Variants in CEACAM20 observed in about 807,000 individuals in gnomAD.
The protein encoded by CEACAM20 is cell adhesion molecule CEACAM20.
CEACAM20 carries 50 observed loss-of-function variants against 61.2 expected under a neutral mutation model. The observed-to-expected ratio is 0.82, with a 90% CI of 0.65 to 1.03. The LOEUF (loss-of-function observed/expected upper bound fraction) is 1.03, where lower values mean the gene tolerates loss of function less well. Ranked by LOEUF, CEACAM20 falls within the 50% of genes least tolerant of loss-of-function variation. The probability of loss-of-function intolerance (pLI) is 0.00; values close to 1 mark genes in which losing one functional copy is unlikely to be tolerated. For missense variants in CEACAM20, 683 were observed against 736.4 expected (o/e 0.93, Z 0.84); for synonymous variants, 282 against 287.7 (o/e 0.98, Z 0.20).
chr19:44,525,913 C>T (rs746893619), intron 1 of CEACAM20, among the ~76,000 whole-genome samples: 1 of 152,184 alleles, frequency 6.6e-6, no homozygotes, highest in Admixed American at 6.5e-5. Flanking sequence ...ACTGGAGACA[C>T]GTGATGGTCC....
chr19:44,514,130 T>C (rs962514560), intron 6 of CEACAM20, among the ~76,000 whole-genome samples: 1 of 152,218 alleles, frequency 6.6e-6, no homozygotes, highest in South Asian at 2.1e-4. Flanking sequence ...CATGTGACCC[T>C]GGACAAGTGA....
intron 5 of CEACAM20, among the ~76,000 whole-genome samples, chr19:44,520,120 C>G (rs1217428265): frequency 7.2e-5 from 11 of 152,162 alleles, no homozygotes; most frequent in African/African-American, 4.8e-5. Flanking sequence ...CCCGTTAATC[C>G]CACCTTGGGG....
At chr19:44,516,523 C>T (rs568180181) in intron 6 of CEACAM20, among the ~76,000 whole-genome samples, 8 of 152,314 alleles carry the variant, frequency 5.3e-5, no homozygotes, top group Non-Finnish European at 1.0e-4. Context: ...GGTTCTCATT[C>T]TCTCTTGTCT....
At chr19:44,513,958 A>G (rs1971084159) in intron 6 of CEACAM20, among the ~76,000 whole-genome samples, 1 of 152,218 alleles carries the variant, frequency 6.6e-6, no homozygotes, top group Non-Finnish European at 1.5e-5. Flanking sequence ...AACCATGGAA[A>G]GTGATCAGTA....
Position 44,511,683 on chromosome 19 carries a change from A to AC in CEACAM20, c.1576-12dup. Reference sequence around the variant, plus strand: ...GTCTGGTGGTTGCATCTGGGGAAAAACAAAGTTGCAGAGAGGTCATAGGGC... The same window carrying AC: ...GTCTGGTGGTTGCATCTGGGGAAAAACCAAAGTTGCAGAGAGGTCATAGGGC... On this transcript the variant is annotated splice_polypyrimidine_tract_variant and intron_variant, in intron 9 of 11. Coordinates refer to ENST00000614924, the MANE Select transcript of CEACAM20 (RefSeq NM_001102597.3). 1 of 1,612,156 alleles carries AC rather than the reference A, an allele frequency of 6.2e-7. No individual in the cohort carries two copies. Among genetic ancestry groups the AC allele is most frequent in the Non-Finnish European group, 8.5e-7 (1 of 1,179,278 alleles).
At chr19:44,516,906 C>G (rs750936746) in intron 6 of CEACAM20, 40 bp downstream of exon 6, 1 of 1,562,698 alleles carries the variant, frequency 6.4e-7, no homozygotes, top group East Asian at 2.4e-5. Flanking sequence ...TCAGGAAAGG[C>G]CCCTCGGGTC....
At chr19:44,526,708 A>G (rs1424604773) in intron 1 of CEACAM20, among the ~76,000 whole-genome samples, 1 of 151,856 alleles carries the variant, frequency 6.6e-6, no homozygotes, top group Non-Finnish European at 1.5e-5. Context: ...CCCCGTCTCT[A>G]CAAAAAAATA....
At position 44,518,135 on chromosome 19, in the gene CEACAM20, G is replaced by C. The variant is rs917719779; in HGVS notation, c.1031-911C>G. On this transcript the variant is annotated intron_variant, in intron 5 of 11. Coordinates refer to ENST00000614924, the MANE Select transcript of CEACAM20 (RefSeq NM_001102597.3). ...GGAAGGAAGGAAGGAAGGAAGGAAG[G>C]AAGGAAGGAAGGAAGGAAGGAAGGA... 8.6e-5 allele frequency among the ~76,000 whole-genome samples: 8 copies of C among 92,596 alleles called. 1 individual carries two copies. Among genetic ancestry groups the C allele is most frequent in the African/African-American group, 5.2e-4 (8 of 15,498 alleles). The allele number at this position is 92,596 out of a possible 152,430, so 60.7% of individuals were successfully genotyped here.
chr19:44,513,073 C>A (rs1971050210), intron 7 of CEACAM20, 99 bp downstream of exon 7: 2 of 1,298,436 alleles, frequency 1.5e-6, no homozygotes, highest in Non-Finnish European at 2.2e-6. Context: ...TCCCCAGGTG[C>A]CAGACAAGAC....
chr19:44,521,866 T>A (rs573861439), intron 4 of CEACAM20, among the ~76,000 whole-genome samples: 1 of 152,216 alleles, frequency 6.6e-6, no homozygotes, highest in African/African-American at 2.4e-5. Flanking sequence ...TATCTGTGTG[T>A]GTACGGAGTG....
At chr19:44,510,962 T>C (rs17800789) in intron 11 of CEACAM20, 68 bp downstream of exon 11, 241,068 of 1,595,704 alleles carry the variant, frequency 0.15, 19,209 homozygotes, top group East Asian at 0.2. Flanking sequence ...GACTCTTTAG[T>C]AGGGAAGAAA....
chr19:44,525,911 C>T (rs778558796), intron 1 of CEACAM20, among the ~76,000 whole-genome samples: 27 of 152,320 alleles, frequency 1.8e-4, no homozygotes, highest in Non-Finnish European at 3.4e-4. Context: ...CTACTGGAGA[C>T]ACGTGATGGT....
chr19:44,519,913 A>G (rs1021882349), intron 5 of CEACAM20, among the ~76,000 whole-genome samples: 3 of 152,116 alleles, frequency 2.0e-5, no homozygotes, highest in African/African-American at 7.2e-5. Context: ...GAAGGTCCCA[A>G]CAGCCATGAT....
rs113303078 is a variant in CEACAM20, at chr19:44,525,371, C to T, written c.53-127G>A. 5.8e-4 allele frequency: 473 copies of T among 810,742 alleles called. 2 individuals are homozygous for T. In the African/African-American group the frequency reaches 7.2e-3, roughly 12 times the overall value. The allele number at this position is 810,742 out of a possible 1,614,324, so 50.2% of individuals were successfully genotyped here. A position where few individuals can be genotyped will look rare whatever the true frequency, so the allele number is the denominator to read the frequency against. ...GCATTCCACCCACAGAGACCTGAGT[C>T]CTACTCGTTACTTACAGCTATGTGA... On this transcript the variant is annotated intron_variant, in intron 1 of 11. Coordinates refer to ENST00000614924, the MANE Select transcript of CEACAM20 (RefSeq NM_001102597.3).
chr19:44,522,659 C>T lies in CEACAM20; in HGVS notation c.726G>A (p.Leu242=). ...CAAGTACTCGGACCTTCAGAGTACC[C>T]AGGCTGGACAGGTGGGTGGCACTGT... ...VSNSATHLSS[L]GTLKVRVLET... The change falls in exon 4 of 12, where the codon CTG becomes CTA. Residue 242 remains leucine (L), a synonymous_variant. Coordinates refer to ENST00000614924, the MANE Select transcript of CEACAM20 (RefSeq NM_001102597.3). 1 of 1,613,514 alleles carries T rather than the reference C, an allele frequency of 6.2e-7. No homozygotes were observed. Among genetic ancestry groups the T allele is most frequent in the Non-Finnish European group, 8.5e-7 (1 of 1,179,700 alleles).
chr19:44,520,838 G>T, intron 4 of CEACAM20, 86 bp from the exon 5 acceptor site: 1 of 1,208,698 alleles, frequency 8.3e-7, no homozygotes, highest in East Asian at 2.6e-5. Context: ...TTTTCCAGGA[G>T]TGCGTGCGTG....
chr19:44,525,348 A>G (rs1012488349), intron 1 of CEACAM20, 104 bp from the exon 2 acceptor site: 1 of 1,114,522 alleles, frequency 9.0e-7, no homozygotes, highest in Admixed American at 2.9e-5. Flanking sequence ...TAGGACTGGC[A>G]TTCCACCCAC....
chr19:44,527,823 GCAAAATCATGTCTTCACTTC>G (rs1386248355), intron 1 of CEACAM20, among the ~76,000 whole-genome samples: 4 of 152,346 alleles, frequency 2.6e-5, no homozygotes, highest in African/African-American at 9.6e-5. Flanking sequence ...ATGACCTGTT[GCAAAATCATGTCTTCACTTC>G]CAAAATACTT....
intron 1 of CEACAM20, 100 bp from the exon 2 acceptor site, chr19:44,525,344 T>C: frequency 8.5e-7 from 1 of 1,173,054 alleles, no homozygotes; most frequent in East Asian, 2.7e-5. Context: ...GCCATAGGAC[T>C]GGCATTCCAC....
Sources: gnomAD v4.1 joint callset for allele counts (sites outside exome capture counted in the v4.1 genomes callset) on GRCh38, gnomAD v4.1.1 for gene constraint, MANE v1.5 for transcripts, NCBI Gene and HGNC (gene_info 2026-07-23, HGNC 2026-07-21) for gene names.